PLCG2: variants seen among roughly 807,000 people sequenced by gnomAD.
PLCG2 encodes phospholipase C gamma 2.
In PLCG2, 69 loss-of-function variants were observed where a neutral mutation model predicts 175.6. The ratio of observed to expected loss-of-function variants is 0.39; its 90% CI spans 0.32 to 0.48. The LOEUF (loss-of-function observed/expected upper bound fraction) is 0.48, where lower values mean the gene tolerates loss of function less well. Ranked by LOEUF, PLCG2 falls within the 20% of genes least tolerant of loss-of-function variation. PLCG2 has a pLI of 0.91. For missense variants in PLCG2, 1,798 were observed against 1,650.9 expected (o/e 1.09, Z -1.54); for synonymous variants, 827 against 624.0 (o/e 1.33, Z -4.85).
upstream of PLCG2, among the ~76,000 whole-genome samples, chr16:81,776,928 C>A (rs531736439): frequency 6.6e-6 from 1 of 152,298 alleles, no homozygotes; most frequent in African/African-American, 2.4e-5. Context: ...CTCTTTCAAT[C>A]CACTGATTCC....
chr16:81,779,210 G>C (rs1203987927), upstream of PLCG2: 1 of 152,000 alleles, frequency 6.6e-6, no homozygotes, highest in Non-Finnish European at 1.5e-5. Context: ...GGCGCGCCTG[G>C]GGCGGGGCGA....
chr16:81,901,148 C>T (rs570418957), intron 14 of PLCG2, among the ~76,000 whole-genome samples: 11 of 152,184 alleles, frequency 7.2e-5, no homozygotes, highest in African/African-American at 2.2e-4. Flanking sequence ...CATCCTCTCT[C>T]GGAGACAGCC....
chr16:81,833,087 CA>C (rs1383392907), intron 2 of PLCG2, among the ~76,000 whole-genome samples: 1 of 152,182 alleles, frequency 6.6e-6, no homozygotes, highest in African/African-American at 2.4e-5. Flanking sequence ...GACTTACAGC[CA>C]AGGTGAGGGT....
In PLCG2 at chr16:81,928,590, C is replaced by A; in HGVS notation, c.2547C>A (p.Cys849Ter). The change falls in exon 24 of 33, where the codon TGC (cysteine) becomes TGA (stop). Residue 849 changes from cysteine to a stop codon, truncating the protein, a stop_gained. Coordinates refer to ENST00000564138, the MANE Select transcript of PLCG2 (RefSeq NM_002661.5). LOFTEE classifies it high-confidence loss of function. ...AAGACAATCCCTTAGGGTCTCTTTG[C>A]AGAGGAATATTGGACCTCAATACCT... ...IIEDNPLGSL[C>*]RGILDLNTYN... 1 of 1,609,268 alleles carries A rather than the reference C, an allele frequency of 6.2e-7. No individual in the cohort carries two copies. Among genetic ancestry groups the A allele is most frequent in the Non-Finnish European group, 8.5e-7 (1 of 1,175,546 alleles).
intron 2 of PLCG2, among the ~76,000 whole-genome samples, chr16:81,827,718 G>C (rs4399527): frequency 0.43 from 64,852 of 151,830 alleles, 15,805 homozygotes; most frequent in African/African-American, 0.68. Context: ...CAGATCCTAC[G>C]TCATGCTGCA....
At chr16:81,779,020 T>C (rs1206526345), upstream of PLCG2, among the ~76,000 whole-genome samples, 1 of 152,028 alleles carries the variant, frequency 6.6e-6, no homozygotes, top group Non-Finnish European at 1.5e-5. Context: ...AGGAATGCCA[T>C]GATATTGGGG....
chr16:81,926,968 C>T (rs1005458631), intron 22 of PLCG2, 114 bp from the exon 23 acceptor site: 6 of 704,750 alleles, frequency 8.5e-6, no homozygotes, highest in Non-Finnish European at 1.3e-5. Context: ...GGTCACTTGG[C>T]CACTTGCTGT....
At chr16:81,957,934 G>A in intron 32 of PLCG2, 22 bp from the exon 33 acceptor site, 2 of 1,611,140 alleles carry the variant, frequency 1.2e-6, no homozygotes, top group Non-Finnish European at 1.7e-6. Context: ...CACTGCTGAT[G>A]GTGAAATCTG....
At chr16:81,837,364 C>T (rs12445050) in intron 2 of PLCG2, among the ~76,000 whole-genome samples, 14,921 of 152,270 alleles carry the variant, frequency 0.098, 919 homozygotes, top group South Asian at 0.19. Flanking sequence ...CTTTTCCAAA[C>T]GAGTGGGCAC....
intron 2 of PLCG2, among the ~76,000 whole-genome samples, chr16:81,848,195 C>G (rs887107741): frequency 6.6e-6 from 1 of 152,208 alleles, no homozygotes; most frequent in Non-Finnish European, 1.5e-5. Flanking sequence ...ATCAACTGAT[C>G]TTTGACAAAG....
chr16:81,784,088 T>C (rs1456635725), intron 1 of PLCG2, among the ~76,000 whole-genome samples: 1 of 152,154 alleles, frequency 6.6e-6, no homozygotes, highest in East Asian at 1.9e-4. Flanking sequence ...CTCAGTTGAT[T>C]AGTCTGTTTC....
At position 81,907,036 on chromosome 16, in the gene PLCG2, C is replaced by CA. The variant is rs56697259; in HGVS notation, c.1468-630dup. On this transcript the variant is annotated intron_variant, in intron 15 of 32. Transcript: ENST00000564138. ...CTGGTGAGAGAGACAGACTCTGTCT[C>CA]AAAAAAAAAAAAAAAAAAACAGTGC... Among the ~76,000 whole-genome samples the CA allele has an allele frequency of 3.9e-3, 372 of 96,572 alleles. 4 individuals are homozygous for CA. The highest frequency in any genetic ancestry group is 9.0e-3 in the African/African-American group (219 of 24,372). The allele number at this position is 96,572 out of a possible 152,430, so 63.4% of individuals were successfully genotyped here.
In PLCG2 at chr16:81,859,155, A is replaced by T; in HGVS notation, c.471A>T (p.Arg157Ser). 6.3e-7 allele frequency: 1 copy of T among 1,591,892 alleles called. No homozygotes were observed. Residue 157 changes from arginine to serine, a missense_variant, in exon 5 of 33, where the codon AGA becomes AGT. Transcript: ENST00000564138. ...AGATATATTCTGTGGATCAAACCAGAAGAAACAGGTAAGAGTCATTCAGTT... is the reference window on the plus strand; with the variant it reads ...AGATATATTCTGTGGATCAAACCAGTAGAAACAGGTAAGAGTCATTCAGTT... ...RKQIYSVDQT[R>S]RNSISLRELK... is the part of the protein sequence containing the mutation.
At position 81,773,984 on chromosome 16, in the gene PLCG2, G is replaced by A. The variant is rs530149433; in HGVS notation, c.-47-11959G>A. ...GGCCCCTTGCAGGCACTCCGCAAAT[G>A]TTTGTTGAATGAATAAATGAGCTCC... On this transcript the variant is annotated intron_variant, in intron 2 of 5. Transcript: ENST00000565054. 9.9e-5 allele frequency among the ~76,000 whole-genome samples: 15 copies of A among 151,918 alleles called. No homozygotes were observed. The South Asian group carries it at 2.5e-3, about 25-fold the overall frequency.
intron 31 of PLCG2, among the ~76,000 whole-genome samples, chr16:81,953,316 T>G (rs1911441262): frequency 6.6e-6 from 1 of 152,156 alleles, no homozygotes; most frequent in African/African-American, 2.4e-5. Context: ...GATATTAATT[T>G]CTTAGTTTTG....
intron 8 of PLCG2, among the ~76,000 whole-genome samples, chr16:81,881,872 G>C (rs930319240): frequency 4.7e-5 from 7 of 150,376 alleles, no homozygotes; most frequent in African/African-American, 1.7e-4. Context: ...GTCTGGTGTT[G>C]AACTCATGAC....
rs143959073 is a variant in PLCG2 at position 81,879,555 on chromosome 16, G to C, written c.649-1355G>C. 1.4e-3 allele frequency among the ~76,000 whole-genome samples: 215 copies of C among 152,254 alleles called. No homozygotes were observed. The Middle Eastern group carries it at 0.031, about 22-fold the overall frequency. ...CCTGCGATTCCCTTTCTAGAACCCT[G>C]ATAGTCCCCATGACGTCCTGGGCTG... On this transcript the variant is annotated intron_variant, in intron 7 of 32. Transcript: ENST00000564138.
intron 2 of PLCG2, among the ~76,000 whole-genome samples, chr16:81,836,315 C>T (rs1905513434): frequency 6.6e-6 from 1 of 152,152 alleles, no homozygotes; most frequent in Admixed American, 6.5e-5. Context: ...CTCCTGGTGC[C>T]CTGTATTGGC....
chr16:81,766,485 C>A (rs2143099071), intron 2 of PLCG2, among the ~76,000 whole-genome samples: 1 of 151,082 alleles, frequency 6.6e-6, no homozygotes, highest in Middle Eastern at 3.4e-3. Context: ...CCTCCTCTTC[C>A]TCCTCCTCCT....
Sources: gnomAD v4.1 joint callset for allele counts (sites outside exome capture counted in the v4.1 genomes callset) on GRCh38, gnomAD v4.1.1 for gene constraint, MANE v1.5 for transcripts, NCBI Gene and HGNC (gene_info 2026-07-23, HGNC 2026-07-21) for gene names.